HEATR5A: variants seen among roughly 807,000 people sequenced by gnomAD.
The protein encoded by HEATR5A is HEAT repeat-containing protein 5A.
A neutral mutation model predicts 218.8 loss-of-function variants in HEATR5A; 178 were observed. The observed-to-expected ratio is 0.81, with a 90% CI of 0.72 to 0.92. The LOEUF (loss-of-function observed/expected upper bound fraction) is 0.92, where lower values mean the gene tolerates loss of function less well. Ranked by LOEUF, HEATR5A falls within the 40% of genes least tolerant of loss-of-function variation. The probability of loss-of-function intolerance (pLI) is 0.00; values close to 1 mark genes in which losing one functional copy is unlikely to be tolerated. For missense variants in HEATR5A, 2,420 were observed against 2,418.9 expected (o/e 1.00, Z -0.01); for synonymous variants, 864 against 871.6 (o/e 0.99, Z 0.15).
At chr14:31,306,706 A>G (rs548838306) in intron 31 of HEATR5A, 26 bp downstream of exon 31, 15 of 1,588,018 alleles carry the variant, frequency 9.4e-6, no homozygotes, top group East Asian at 2.3e-5. Context: ...TATTTGATCA[A>G]CTCGGCATTA....
chr14:31,392,956 A>G (rs1202077704), intron 6 of HEATR5A, among the ~76,000 whole-genome samples: 3 of 152,196 alleles, frequency 2.0e-5, no homozygotes, highest in Non-Finnish European at 4.4e-5. Context: ...CTACTGCTCC[A>G]CCCTGGGTGG....
intron 21 of HEATR5A, chr14:31,340,567 A>G: frequency 1.4e-6 from 1 of 734,246 alleles, no homozygotes; most frequent in Non-Finnish European, 2.0e-6. Context: ...GCATTAAAAT[A>G]TAAATGTTGA....
chr14:31,383,471 C>A lies in HEATR5A; in HGVS notation c.1596+50G>T, dbSNP rs1055666199. On this transcript the variant is annotated intron_variant, in intron 10 of 35. Coordinates refer to ENST00000543095, the MANE Select transcript of HEATR5A (RefSeq NM_015473.4). The stretch of plus-strand genomic sequence containing the variant: ...CAAATTCTGTTACTATGTGAAGATA[C>A]TTCTAACAAAAAGCACCTCATTATC... 7.8e-6 allele frequency: 12 copies of A among 1,538,242 alleles called. No homozygotes were observed. The African/African-American group carries it at 1.6e-4, about 21-fold the overall frequency.
intron 1 of HEATR5A, among the ~76,000 whole-genome samples, chr14:31,403,260 T>C (rs1203505674): frequency 2.6e-5 from 4 of 152,022 alleles, no homozygotes; most frequent in Admixed American, 2.6e-4. Flanking sequence ...AAAAATAGAG[T>C]AGCAATATTT....
rs987747732 is a variant in HEATR5A, at chr14:31,394,044, G to A, written c.772+8C>T. The A allele has an allele frequency of 7.7e-5, 114 of 1,486,874 alleles. No individual in the cohort carries two copies. The highest frequency in any genetic ancestry group is 1.0e-4 in the Non-Finnish European group (111 of 1,111,428). The allele number at this position is 1,486,874 out of a possible 1,614,324, so 92.1% of individuals were successfully genotyped here. A position where few individuals can be genotyped will look rare whatever the true frequency, so the allele number is the denominator to read the frequency against. On this transcript the variant is annotated splice_region_variant and intron_variant, in intron 6 of 35. Coordinates refer to ENST00000543095, the MANE Select transcript of HEATR5A (RefSeq NM_015473.4). ...GAAGAGACTTTGAAAATAATTACAT[G>A]TATTTACCTGTTCCTGGATGTTTAG...
chr14:31,390,086 T>C (rs2030389813), intron 6 of HEATR5A, among the ~76,000 whole-genome samples: 1 of 152,082 alleles, frequency 6.6e-6, no homozygotes, highest in African/African-American at 2.4e-5. Context: ...TGAGGGTATC[T>C]GGAGAAAAAG....
intron 25 of HEATR5A, chr14:31,320,721 G>T: frequency 2.8e-6 from 1 of 362,032 alleles, no homozygotes; most frequent in Non-Finnish European, 5.2e-6. Flanking sequence ...CAAAACACTT[G>T]TTTTTTTATT....
At chr14:31,336,221 T>TAC (rs1900658039) in intron 22 of HEATR5A, among the ~76,000 whole-genome samples, 1 of 4,066 alleles carries the variant, frequency 2.5e-4, no homozygotes, top group Non-Finnish European at 7.3e-4. Flanking sequence ...TACATACATA[T>TAC]ATATATATAT....
chr14:31,377,219 T>C (rs963723209), intron 11 of HEATR5A, among the ~76,000 whole-genome samples: 4 of 151,536 alleles, frequency 2.6e-5, no homozygotes, highest in African/African-American at 9.7e-5. Context: ...GCAGAAAATG[T>C]AGTGTAAAAC....
At chr14:31,389,723 C>G (rs1020009665) in intron 6 of HEATR5A, among the ~76,000 whole-genome samples, 1 of 152,046 alleles carries the variant, frequency 6.6e-6, no homozygotes, top group East Asian at 1.9e-4. Context: ...TACAAGAGTA[C>G]AGAAATAAAC....
At chr14:31,368,563 C>T (rs1166733970) in intron 13 of HEATR5A, among the ~76,000 whole-genome samples, 5 of 152,006 alleles carry the variant, frequency 3.3e-5, no homozygotes, top group Admixed American at 3.3e-4. Context: ...ACTGGGGTCT[C>T]ACTCTGTCAT....
rs574786136 is a variant in HEATR5A at position 31,388,840 on chromosome 14, C to T, written c.933+5G>A. The stretch of plus-strand genomic sequence containing the variant: ...TAGACTGAGATACTGATTTGTGATT[C>T]CAACCTGAGTAACTCCAACTCGAAC... On this transcript the variant is annotated splice_donor_5th_base_variant and intron_variant, in intron 7 of 35. Transcript: ENST00000543095. 2 of 1,612,652 alleles carry T rather than the reference C, an allele frequency of 1.2e-6. No individual in the cohort carries two copies. Among genetic ancestry groups the T allele is most frequent in the East Asian group, 4.5e-5 (2 of 44,850 alleles).
intron 16 of HEATR5A, among the ~76,000 whole-genome samples, chr14:31,352,550 C>T (rs1017794450): frequency 6.6e-6 from 1 of 152,010 alleles, no homozygotes; most frequent in Admixed American, 6.6e-5. Flanking sequence ...ACATGGGGAT[C>T]GTGCCTTTAA....
At chr14:31,362,514 A>G (rs1901652898) in intron 14 of HEATR5A, among the ~76,000 whole-genome samples, 1 of 150,918 alleles carries the variant, frequency 6.6e-6, no homozygotes, top group South Asian at 2.1e-4. Flanking sequence ...TGTAATCCCA[A>G]CACTTTGAGA....
In HEATR5A at chr14:31,387,216, G is replaced by T; in HGVS notation, c.1093C>A (p.Leu365Ile). 1 of 1,613,894 alleles carries T rather than the reference G, an allele frequency of 6.2e-7. No homozygotes were observed. The highest frequency in any genetic ancestry group is 8.5e-7 in the Non-Finnish European group (1 of 1,179,862). ...AGAAGACCACCTATAGTAGTTCGAA[G>T]AATAAATGAAACACAACGGCGACAG... ...VCCRRCVSFILRTTIGGLLGE... is the reference protein window; with the variant it reads ...VCCRRCVSFIIRTTIGGLLGE... The change falls in exon 8 of 36, where the codon CTT becomes ATT. Residue 365 changes from leucine to isoleucine, a missense_variant. Coordinates refer to ENST00000543095, the MANE Select transcript of HEATR5A (RefSeq NM_015473.4).
chr14:31,333,532 G>A (rs559513213), intron 22 of HEATR5A, among the ~76,000 whole-genome samples: 8 of 152,162 alleles, frequency 5.3e-5, no homozygotes, highest in Admixed American at 4.6e-4. Flanking sequence ...GATAACAGGC[G>A]AGAGCCCAGC....
rs1424413705 is a variant in HEATR5A, at chr14:31,371,832, A to G, written c.1939T>C (p.Cys647Arg). ...TACTGAGTTAGCAAATCCACAGCACAAGGAAGTGGTGGAAGAAGACGCTGA... is the reference window on the plus strand; with the variant it reads ...TACTGAGTTAGCAAATCCACAGCACGAGGAAGTGGTGGAAGAAGACGCTGA... The part of the protein sequence containing the change: ...VTQRLLPPLP[C>R]AVDLLTQLSS... The change falls in exon 13 of 36, where the codon TGT (cysteine) becomes CGT (arginine). Residue 647 changes from cysteine to arginine, a missense_variant. By Grantham distance (180) the Cys-to-Arg change is radical. Coordinates refer to ENST00000543095, the MANE Select transcript of HEATR5A (RefSeq NM_015473.4). 6.5e-7 allele frequency: 1 copy of G among 1,540,080 alleles called. No homozygotes were observed. The highest frequency in any genetic ancestry group is 2.0e-5 in the Admixed American group (1 of 50,362).
At chr14:31,372,752 G>T (rs943254780) in intron 12 of HEATR5A, among the ~76,000 whole-genome samples, 5 of 152,072 alleles carry the variant, frequency 3.3e-5, no homozygotes, top group Admixed American at 6.6e-5. Flanking sequence ...ACTTGAACCC[G>T]GAAGGCAGAG....
At position 31,315,863 on chromosome 14, in the gene HEATR5A, A is replaced by G. The variant is rs1171762548; in HGVS notation, c.4125T>C (p.Thr1375=). The change falls in exon 27 of 36, where the codon ACT becomes ACC. Residue 1375 remains threonine (T), a synonymous_variant. Coordinates refer to ENST00000543095, the MANE Select transcript of HEATR5A (RefSeq NM_015473.4). The stretch of plus-strand genomic sequence containing the variant: ...GAGCTTCTTTTCCAGCCTGTATTTT[A>G]GTTAACGATGAAACAAGCAACTGAT... ...RVHQLLVSSL[T]KIQAGKEALS... is the part of the protein sequence containing the mutation. The G allele has an allele frequency of 6.2e-7, 1 of 1,608,826 alleles. No individual in the cohort carries two copies. The highest frequency in any genetic ancestry group is 1.1e-5 in the South Asian group (1 of 89,950).
Sources: allele counts gnomAD v4.1 joint callset (sites outside exome capture counted in the v4.1 genomes callset), GRCh38; gene constraint gnomAD v4.1.1; transcripts MANE v1.5; gene names NCBI Gene and HGNC (gene_info 2026-07-23, HGNC 2026-07-21).